The following AR variants were observed in gnomAD, a reference collection of about 807,000 sequenced individuals.
The protein encoded by AR is dihydrotestosterone receptor.
In AR, 8 loss-of-function variants were observed where a neutral mutation model predicts 53.9. The observed-to-expected ratio is 0.15, with a 90% CI of 0.09 to 0.27. The LOEUF is 0.27. Ranked by LOEUF, AR falls within the 10% of genes least tolerant of loss-of-function variation. The pLI is 1.00. For missense variants in AR, 639 were observed against 742.5 expected (o/e 0.86, Z 1.62); for synonymous variants, 359 against 316.4 (o/e 1.13, Z -1.43).
At chrX:67,638,442 A>G (rs1200002102) in intron 1 of AR, among the ~76,000 whole-genome samples, 1 of 111,985 alleles carries the variant, frequency 8.9e-6, no homozygotes, top group African/African-American at 3.2e-5. Flanking sequence ...TCCCACCAAC[A>G]ATGTAAAAGC....
chrX:67,602,781 G>A (rs1423608622), intron 1 of AR, among the ~76,000 whole-genome samples: 1 of 111,481 alleles, frequency 9.0e-6, no homozygotes, highest in Non-Finnish European at 1.9e-5. Context: ...ACCCTGAGCA[G>A]AGAATCCAGT....
chrX:67,600,778 A>T (rs1464895264), intron 1 of AR, among the ~76,000 whole-genome samples: 1 of 111,676 alleles, frequency 9.0e-6, no homozygotes, highest in South Asian at 3.7e-4. Context: ...ATTAGTACAC[A>T]TTGCATGCTT....
At chrX:67,644,144 C>T (rs911524127) in intron 2 of AR, among the ~76,000 whole-genome samples, 3 of 112,193 alleles carry the variant, frequency 2.7e-5, no homozygotes, top group African/African-American at 3.2e-5. Context: ...CCTCTAGAGG[C>T]GCTCAGCCCA....
intron 2 of AR, among the ~76,000 whole-genome samples, chrX:67,645,536 T>A (rs1405200114): frequency 9.0e-6 from 1 of 110,730 alleles, no homozygotes; most frequent in African/African-American, 3.3e-5. Flanking sequence ...CACCTTAGAG[T>A]CTGTTAAGTT....
chrX:67,667,086 T>C (rs1178253231), intron 2 of AR, among the ~76,000 whole-genome samples: 1 of 111,558 alleles, frequency 9.0e-6, no homozygotes, highest in African/African-American at 3.3e-5. Flanking sequence ...CATTTGTCCA[T>C]TTTTAGTTGC....
chrX:67,607,085 A>G (rs1290839639), intron 1 of AR, among the ~76,000 whole-genome samples: 1 of 110,910 alleles, frequency 9.0e-6, no homozygotes, highest in Non-Finnish European at 1.9e-5. Flanking sequence ...ACTGGAGTGC[A>G]ATGGCACGAA....
Position 67,726,709 on chromosome X carries a change from C to CTGTT in AR, c.*2869_*2872dup. 5.7e-6 allele frequency: 1 copy of CTGTT among 175,626 alleles called. No homozygotes were observed. The highest frequency in any genetic ancestry group is 1.1e-5 in the Non-Finnish European group (1 of 91,652). The allele number at this position is 175,626 out of a possible 1,213,427, so 14.5% of individuals were successfully genotyped here. ...GAACAAAGGAGATTTTAGCTTGGCT[C>CTGTT]TGTTCTCCCATGGATGAAAGGAGGA... On this transcript the variant is annotated 3_prime_UTR_variant, in exon 8 of 8. Coordinates refer to ENST00000374690, the MANE Select transcript of AR (RefSeq NM_000044.6).
At chrX:67,574,984 G>T (rs1233263385) in intron 1 of AR, among the ~76,000 whole-genome samples, 1 of 111,306 alleles carries the variant, frequency 9.0e-6, no homozygotes, top group Admixed American at 9.6e-5. Context: ...TTCCGGGGGG[G>T]ATGACTTCTA....
In AR at chrX:67,728,574, AATATATATATATATATATATATATATAT is replaced by A. The variant is rs10666509; in HGVS notation, c.*4747_*4774del. ...ATTTGTATCCATGTTTCAAAATTGA[AATATATATATATATATATATATATATAT>A]ATATATATATATAGTGTGTGTGTGT... On this transcript the variant is annotated 3_prime_UTR_variant, in exon 8 of 8. Coordinates refer to ENST00000374690, the MANE Select transcript of AR (RefSeq NM_000044.6). 3.7e-4 allele frequency: 11 copies of A among 29,874 alleles called. No homozygotes were observed. Among genetic ancestry groups the A allele is most frequent in the South Asian group, 3.7e-3 (1 of 270 alleles). 2.5% of individuals were successfully genotyped at this position (29,874 alleles called of 1,213,427 possible).
chrX:67,594,568 C>A (rs1273084099), intron 1 of AR, among the ~76,000 whole-genome samples: 1 of 111,671 alleles, frequency 9.0e-6, no homozygotes, highest in African/African-American at 3.3e-5. Context: ...AAATTTTTAT[C>A]CTAATCAGTG....
intron 1 of AR, among the ~76,000 whole-genome samples, chrX:67,574,592 A>T (rs1246674400): frequency 9.0e-6 from 1 of 111,597 alleles, no homozygotes; most frequent in Non-Finnish European, 1.9e-5. Context: ...GCTTTGTAGC[A>T]GAAGTTTAGC....
intron 1 of AR, among the ~76,000 whole-genome samples, chrX:67,574,166 A>G (rs750948889): frequency 1.8e-5 from 2 of 112,047 alleles, no homozygotes; most frequent in Non-Finnish European, 3.8e-5. Flanking sequence ...CAACTATAGA[A>G]GGCCTATGCG....
chrX:67,609,933 C>G, intron 1 of AR, among the ~76,000 whole-genome samples: 1 of 111,351 alleles, frequency 9.0e-6, no homozygotes, highest in South Asian at 3.8e-4. Context: ...GGGGCAAGAC[C>G]ACTTAACTCT....
Position 67,546,766 on chromosome X carries a change from A to C in AR, c.1616+4A>C. ...CCGGACCTTACGGGGACATGCGGTA[A>C]GTTTTTCCTTCCAGAAATGTCGCCT... On this transcript the variant is annotated splice_donor_region_variant and intron_variant, in intron 1 of 7. Transcript: ENST00000374690. The C allele has an allele frequency of 8.3e-7, 1 of 1,202,268 alleles. No homozygotes were observed. Among genetic ancestry groups the C allele is most frequent in the Non-Finnish European group, 1.1e-6 (1 of 890,246 alleles).
chrX:67,579,711 A>G (rs1922205500), intron 1 of AR, among the ~76,000 whole-genome samples: 1 of 111,927 alleles, frequency 8.9e-6, no homozygotes, highest in South Asian at 3.8e-4. Flanking sequence ...CTATGCAGCT[A>G]TTAAAGCATA....
chrX:67,701,913 A>G (rs2076044291), intron 3 of AR, among the ~76,000 whole-genome samples: 1 of 111,389 alleles, frequency 9.0e-6, no homozygotes. Flanking sequence ...TCTGGATTTG[A>G]TACTAGTTAT....
At chrX:67,550,656 T>TAA (rs757091151) in intron 1 of AR, among the ~76,000 whole-genome samples, 6 of 91,094 alleles carry the variant, frequency 6.6e-5, no homozygotes, top group Non-Finnish European at 4.5e-5. Context: ...CTCTGAAAAA[T>TAA]AAAAAAAAAA....
intron 6 of AR, 113 bp from the exon 7 acceptor site, chrX:67,722,714 A>T: frequency 1.1e-6 from 1 of 923,978 alleles, no homozygotes; most frequent in Admixed American, 2.5e-5. Flanking sequence ...AGCCAAGTAG[A>T]TGGTTCCCTG....
chrX:67,709,697 C>T (rs1383593039), intron 3 of AR, among the ~76,000 whole-genome samples: 1 of 112,106 alleles, frequency 8.9e-6, no homozygotes, highest in Non-Finnish European at 1.9e-5. Context: ...GTACCTCAGT[C>T]GGAAATGCAG....
Sources: gnomAD v4.1 joint callset for allele counts (sites outside exome capture counted in the v4.1 genomes callset) on GRCh38, gnomAD v4.1.1 for gene constraint, MANE v1.5 for transcripts, NCBI Gene and HGNC (gene_info 2026-07-23, HGNC 2026-07-21) for gene names.